LOXHD1: variants seen among roughly 807,000 people sequenced by gnomAD.
The protein encoded by LOXHD1 is lipoxygenase homology PLAT domains 1.
In LOXHD1, 205 loss-of-function variants were observed where a neutral mutation model predicts 248.2. The ratio of observed to expected loss-of-function variants is 0.83; its 90% CI spans 0.74 to 0.93. The LOEUF (loss-of-function observed/expected upper bound fraction) is 0.93. LOXHD1 is among the 40% of genes least tolerant of loss of function. The pLI is 0.00. For synonymous variants in LOXHD1, 1,113 were observed against 1,162.8 expected, an observed-to-expected ratio of 0.96 and a Z score of 0.87; for missense variants, 2,930 against 2,971.6, an observed-to-expected ratio of 0.99 and a Z score of 0.33.
intron 15 of LOXHD1, among the ~76,000 whole-genome samples, chr18:46,571,113 A>G (rs2037743260): frequency 1.3e-5 from 2 of 152,166 alleles, no homozygotes; most frequent in South Asian, 4.1e-4. Context: ...TAATTCTGAG[A>G]CCAGAAATGG....
chr18:46,652,462 G>A lies in LOXHD1; in HGVS notation c.131-3193C>T, dbSNP rs7244917. Among the ~76,000 whole-genome samples the A allele has an allele frequency of 7.1e-3, 1,075 of 152,276 alleles. 14 individuals carry two copies. The highest frequency in any genetic ancestry group is 0.025 in the African/African-American group (1,022 of 41,550). Reference sequence around the variant, plus strand: ...ACATAGCCAATAGACATATGGAAAAGTTCTCTGCCTATTTATCAGGGAAAT... The same window carrying A: ...ACATAGCCAATAGACATATGGAAAAATTCTCTGCCTATTTATCAGGGAAAT... On this transcript the variant is annotated intron_variant, in intron 1 of 40. Coordinates refer to ENST00000642948, the MANE Select transcript of LOXHD1 (RefSeq NM_001384474.1).
intron 31 of LOXHD1, among the ~76,000 whole-genome samples, chr18:46,522,755 A>G (rs2035640780): frequency 6.6e-6 from 1 of 152,240 alleles, no homozygotes; most frequent in Admixed American, 6.5e-5. Context: ...AAAATGTATC[A>G]TATATGCCAC....
chr18:46,638,206 G>A (rs2038917054), intron 4 of LOXHD1, among the ~76,000 whole-genome samples: 1 of 152,150 alleles, frequency 6.6e-6, no homozygotes, highest in Non-Finnish European at 1.5e-5. Flanking sequence ...ACATAAAAAT[G>A]TCACCAGTGT....
intron 20 of LOXHD1, 47 bp downstream of exon 20, chr18:46,559,401 C>T (rs746423654): frequency 3.9e-6 from 6 of 1,551,566 alleles, no homozygotes; most frequent in South Asian, 3.6e-5. Context: ...TCTCAGAGGG[C>T]ACCAAACCCA....
chr18:46,498,444 G>A (rs2143777003), intron 37 of LOXHD1, among the ~76,000 whole-genome samples: 1 of 152,282 alleles, frequency 6.6e-6, no homozygotes, highest in East Asian at 1.9e-4. Context: ...AAACTTGGTG[G>A]CTCAAATAAC....
intron 17 of LOXHD1, among the ~76,000 whole-genome samples, chr18:46,563,917 CAG>C (rs1489153584): frequency 1.3e-5 from 2 of 152,106 alleles, no homozygotes; most frequent in East Asian, 1.9e-4. Context: ...GCAGTGAGCG[CAG>C]AGAGAGCGAT....
At chr18:46,610,726 A>G (rs774322696) in intron 6 of LOXHD1, 50 bp downstream of exon 6, 5 of 1,500,476 alleles carry the variant, frequency 3.3e-6, no homozygotes, top group African/African-American at 2.8e-5. Flanking sequence ...AAGAACAAGA[A>G]GGCCCCCCTT....
chr18:46,581,242 A>T (rs2037955685), intron 12 of LOXHD1, among the ~76,000 whole-genome samples: 1 of 152,214 alleles, frequency 6.6e-6, no homozygotes, highest in Non-Finnish European at 1.5e-5. Context: ...AAGTCAACAG[A>T]TTAGCAATAT....
At chr18:46,498,839 G>A (rs1035649534) in intron 37 of LOXHD1, among the ~76,000 whole-genome samples, 9 of 152,050 alleles carry the variant, frequency 5.9e-5, no homozygotes, top group African/African-American at 1.9e-4. Context: ...TTGGTGGGTG[G>A]GGAACACTAT....
chr18:46,572,871 A>G, intron 14 of LOXHD1, among the ~76,000 whole-genome samples: 1 of 151,790 alleles, frequency 6.6e-6, no homozygotes. Flanking sequence ...AAAAACAAAA[A>G]AATTAGCCAG....
At chr18:46,561,125 C>T (rs1285232437) in intron 18 of LOXHD1, among the ~76,000 whole-genome samples, 2 of 152,194 alleles carry the variant, frequency 1.3e-5, no homozygotes, top group Non-Finnish European at 2.9e-5. Context: ...GAGGCCCAAG[C>T]TCCCTCCTCC....
chr18:46,484,158 A>G (rs564119738), intron 39 of LOXHD1, among the ~76,000 whole-genome samples: 18 of 152,062 alleles, frequency 1.2e-4, no homozygotes, highest in Admixed American at 5.2e-4. Context: ...GGGTTCAGGG[A>G]GGGAAAAGCT....
At chr18:46,639,087 G>A (rs369537423) in intron 4 of LOXHD1, among the ~76,000 whole-genome samples, 31 of 152,118 alleles carry the variant, frequency 2.0e-4, no homozygotes, top group African/African-American at 6.5e-4. Context: ...TAAAATGATC[G>A]AATTTAAGGC....
In LOXHD1 at chr18:46,524,858, G is replaced by A; in HGVS notation, c.4590C>T (p.Arg1530=). The change falls in exon 30 of 41, where the codon CGC becomes CGT. Residue 1530 remains arginine (R), a synonymous_variant. Coordinates refer to ENST00000642948, the MANE Select transcript of LOXHD1 (RefSeq NM_001384474.1). Reference sequence around the variant, plus strand: ...CTGCGCACCACTTGGAGTTGTCATGGCGGAGCTTGATCTTGTAGATGACGC... The same window carrying A: ...CTGCGCACCACTTGGAGTTGTCATGACGGAGCTTGATCTTGTAGATGACGC... ...DLGVIYKIKL[R]HDNSKWCADW... 3 of 1,551,768 alleles carry A rather than the reference G, an allele frequency of 1.9e-6. No individual in the cohort carries two copies. The highest frequency in any genetic ancestry group is 2.4e-5 in the East Asian group (1 of 40,918).
At chr18:46,618,107 G>A in intron 5 of LOXHD1, 85 bp downstream of exon 5, 1 of 993,024 alleles carries the variant, frequency 1.0e-6, no homozygotes, top group Non-Finnish European at 1.5e-6. Context: ...GGCTCAAGCT[G>A]CCTTCCTCTG....
intron 29 of LOXHD1, among the ~76,000 whole-genome samples, chr18:46,525,697 GGGAGCCTGA>G (rs1420354119): frequency 6.6e-6 from 1 of 152,160 alleles, no homozygotes; most frequent in Non-Finnish European, 1.5e-5. Context: ...AAGTTAGGAT[GGGAGCCTGA>G]GGAGGGTGAG....
intron 21 of LOXHD1, among the ~76,000 whole-genome samples, chr18:46,551,065 A>G (rs575668677): frequency 6.6e-6 from 1 of 151,962 alleles, no homozygotes; most frequent in East Asian, 1.9e-4. Flanking sequence ...CCCTTCTTCA[A>G]AATTCCTGAG....
intron 4 of LOXHD1, among the ~76,000 whole-genome samples, chr18:46,629,487 C>T (rs1030045709): frequency 4.6e-5 from 7 of 152,070 alleles, no homozygotes; most frequent in East Asian, 1.9e-4. Context: ...CTTTGCAGGG[C>T]GGTACAATTT....
At chr18:46,619,722 C>T (rs2038641419) in intron 4 of LOXHD1, among the ~76,000 whole-genome samples, 1 of 152,188 alleles carries the variant, frequency 6.6e-6, no homozygotes, top group African/African-American at 2.4e-5. Flanking sequence ...CCTGCAGGAG[C>T]CCCACAGAGG....
Sources: gnomAD v4.1 joint callset for allele counts (sites outside exome capture counted in the v4.1 genomes callset) on GRCh38, gnomAD v4.1.1 for gene constraint, MANE v1.5 for transcripts, NCBI Gene and HGNC (gene_info 2026-07-23, HGNC 2026-07-21) for gene names.